The following COPG2 variants were observed in gnomAD, a reference collection of about 807,000 sequenced individuals.
COPG2 encodes the protein coatomer subunit gamma-2.
COPG2 carries 37 observed loss-of-function variants against 46.3 expected under a neutral mutation model. The observed-to-expected ratio is 0.80, with a 90% confidence interval of 0.61 to 1.05. COPG2 has a LOEUF of 1.05. Ranked by LOEUF, COPG2 falls within the 50% of genes least tolerant of loss-of-function variation. The probability of loss-of-function intolerance (pLI) is 0.00; values close to 1 mark genes in which losing one functional copy is unlikely to be tolerated. For synonymous variants in COPG2, 159 were observed against 129.7 expected (o/e 1.23, Z -1.53); for missense variants, 427 against 387.8 (o/e 1.10, Z -0.85).
chr7:130,661,901 G>A (rs782656455), intron 4 of COPG2, among the ~76,000 whole-genome samples: 1 of 152,164 alleles, frequency 6.6e-6, no homozygotes, highest in Non-Finnish European at 1.5e-5. Context: ...ATATCATGTG[G>A]CTACAGGGCT....
chr7:130,564,554 T>C, intron 9 of COPG2, 161 bp from the exon 10 acceptor site: 1 of 395,440 alleles, frequency 2.5e-6, no homozygotes. Flanking sequence ...ACTGGCAAAA[T>C]TGTCAAAATC....
chr7:130,560,300 C>A (rs1357310447), intron 12 of COPG2, among the ~76,000 whole-genome samples: 1 of 151,804 alleles, frequency 6.6e-6, no homozygotes, highest in African/African-American at 2.4e-5. Flanking sequence ...ATTTGCAAGA[C>A]CTCTAGAGTA....
At chr7:130,551,058 T>C (rs895558007) in intron 16 of COPG2, among the ~76,000 whole-genome samples, 183 bp downstream of exon 16, 115 of 152,096 alleles carry the variant, frequency 7.6e-4, no homozygotes, top group African/African-American at 2.6e-3. Context: ...GATTGCTGCA[T>C]AGGAATTATC....
rs1226433579 is a variant in COPG2 at position 130,627,788 on chromosome 7, C to CG, written c.324-10724dup. On this transcript the variant is annotated intron_variant, in intron 5 of 23. Coordinates refer to ENST00000425248, the MANE Select transcript of COPG2 (RefSeq NM_012133.6). ...GATGCGGGGGGTGGGGGGTGTGGTT[C>CG]GGGGGGCGGGGTGCGGTTCAGGGGA... Among the ~76,000 whole-genome samples the CG allele has an allele frequency of 2.4e-4, 5 of 21,256 alleles. No individual in the cohort carries two copies. The East Asian group carries it at 5.1e-3, about 22-fold the overall frequency. 13.9% of individuals were successfully genotyped at this position (21,256 alleles called of 152,430 possible). A position where few individuals can be genotyped will look rare whatever the true frequency, so the allele number is the denominator to read the frequency against.
In COPG2 at chr7:130,573,610, A is replaced by G. The variant is rs150622122; in HGVS notation, c.738-9217T>C. On this transcript the variant is annotated intron_variant, in intron 9 of 23. Coordinates refer to ENST00000425248, the MANE Select transcript of COPG2 (RefSeq NM_012133.6). Reference sequence around the variant, plus strand: ...CACATAATCATCTTCACAGATGAATAAAAATCCATTGACAAAAATCTAACA... The same window carrying G: ...CACATAATCATCTTCACAGATGAATGAAAATCCATTGACAAAAATCTAACA... Among the ~76,000 whole-genome samples, 1,300 of 152,286 alleles carry G rather than the reference A, an allele frequency of 8.5e-3. 13 individuals carry two copies. Among genetic ancestry groups the G allele is most frequent in the African/African-American group, 0.03 (1,237 of 41,580 alleles).
At chr7:130,665,222 T>C (rs1231467327) in intron 3 of COPG2, among the ~76,000 whole-genome samples, 1 of 152,160 alleles carries the variant, frequency 6.6e-6, no homozygotes, top group Admixed American at 6.6e-5. Context: ...TAGTCTTCAT[T>C]TGTAAACAAG....
At chr7:130,518,033 T>C (rs1372345527) in intron 20 of COPG2, among the ~76,000 whole-genome samples, 5 of 152,220 alleles carry the variant, frequency 3.3e-5, no homozygotes, top group Non-Finnish European at 7.3e-5. Flanking sequence ...GGGAAGTTTT[T>C]TCTATTGAGA....
At chr7:130,521,835 A>T (rs1028014559) in intron 20 of COPG2, among the ~76,000 whole-genome samples, 3 of 152,200 alleles carry the variant, frequency 2.0e-5, no homozygotes, top group Non-Finnish European at 4.4e-5. Flanking sequence ...TTAAAGATGG[A>T]CCAAAGATAT....
intron 9 of COPG2, among the ~76,000 whole-genome samples, chr7:130,599,666 A>G (rs957533532): frequency 6.6e-6 from 1 of 152,204 alleles, no homozygotes; most frequent in Non-Finnish European, 1.5e-5. Context: ...GACACAAAAT[A>G]TAACATGATT....
At chr7:130,651,206 G>A (rs1338205910) in intron 5 of COPG2, among the ~76,000 whole-genome samples, 1 of 152,036 alleles carries the variant, frequency 6.6e-6, no homozygotes, top group Non-Finnish European at 1.5e-5. Context: ...ACTTATTCTA[G>A]GACATTTGCA....
intron 20 of COPG2, among the ~76,000 whole-genome samples, chr7:130,536,990 AGGTGGGAGGAG>A (rs1475737961): frequency 3.4e-4 from 48 of 141,858 alleles, no homozygotes; most frequent in African/African-American, 1.2e-3. Flanking sequence ...AGGAGGGAGG[AGGTGGGAGGAG>A]GGTGGGACTG....
intron 5 of COPG2, chr7:130,645,245 TC>T (rs1223447823): frequency 1.4e-6 from 1 of 694,344 alleles, no homozygotes; most frequent in Non-Finnish European, 2.6e-6. Context: ...CTCTTGTTCA[TC>T]CAGCTTTGGC....
chr7:130,590,308 C>T (rs1025959754), intron 9 of COPG2, among the ~76,000 whole-genome samples: 1 of 152,068 alleles, frequency 6.6e-6, no homozygotes, highest in South Asian at 2.1e-4. Context: ...CATGCCGAGC[C>T]GAAGCTGGAC....
At chr7:130,632,795 G>C (rs1256341870) in intron 5 of COPG2, among the ~76,000 whole-genome samples, 1 of 151,988 alleles carries the variant, frequency 6.6e-6, no homozygotes, top group Non-Finnish European at 1.5e-5. Flanking sequence ...TGCGGAACAT[G>C]CAGGTTTGTT....
intron 5 of COPG2, among the ~76,000 whole-genome samples, chr7:130,620,223 A>AGT (rs1264959552): frequency 6.6e-6 from 1 of 152,108 alleles, no homozygotes; most frequent in Non-Finnish European, 1.5e-5. Context: ...CATTTCAATG[A>AGT]GTGTCTGTTA....
intron 6 of COPG2, among the ~76,000 whole-genome samples, chr7:130,616,579 G>C (rs1355871400): frequency 6.6e-6 from 1 of 152,104 alleles, no homozygotes; most frequent in African/African-American, 2.4e-5. Context: ...GAAAGCACGA[G>C]ACTCCGACTC....
Position 130,509,011 on chromosome 7 carries a change from C to T in COPG2, c.2150-352G>A, listed in dbSNP as rs782644371. The T allele has an allele frequency of 2.6e-5, 12 of 460,752 alleles. No homozygotes were observed. The East Asian group carries it at 5.4e-4, about 21-fold the overall frequency. The allele number at this position is 460,752 out of a possible 1,614,324, so 28.5% of individuals were successfully genotyped here. A position where few individuals can be genotyped will look rare whatever the true frequency, so the allele number is the denominator to read the frequency against. ...TGAAAAATAAATATTTTGAGAACCA[C>T]TGCTGTAGGACCTGACCAAAAAAAA... On this transcript the variant is annotated intron_variant, in intron 20 of 23. Coordinates refer to ENST00000425248, the MANE Select transcript of COPG2 (RefSeq NM_012133.6).
intron 20 of COPG2, among the ~76,000 whole-genome samples, chr7:130,519,436 T>C (rs1376974671): frequency 2.5e-4 from 38 of 152,128 alleles, no homozygotes; most frequent in Admixed American, 2.5e-3. Context: ...AGAGATTAAG[T>C]ACAAAGTGAG....
chr7:130,530,429 G>T (rs1799812945), intron 20 of COPG2, among the ~76,000 whole-genome samples: 6 of 152,236 alleles, frequency 3.9e-5, no homozygotes, highest in Non-Finnish European at 8.8e-5. Context: ...GGAAAAGGCA[G>T]CCTAAGGGAA....
Sources: allele counts gnomAD v4.1 joint callset (sites outside exome capture counted in the v4.1 genomes callset), GRCh38; gene constraint gnomAD v4.1.1; transcripts MANE v1.5; gene names NCBI Gene and HGNC (gene_info 2026-07-23, HGNC 2026-07-21).